TLK1: variants seen among roughly 807,000 people sequenced by gnomAD.
The protein encoded by TLK1 is serine/threonine-protein kinase tousled-like 1.
In TLK1, 24 loss-of-function variants were observed where a neutral mutation model predicts 105.3. The observed-to-expected ratio is 0.23, with a 90% CI of 0.17 to 0.32. The LOEUF (loss-of-function observed/expected upper bound fraction) is 0.32, where lower values mean the gene tolerates loss of function less well. TLK1 is among the 10% of genes least tolerant of loss of function. TLK1 has a pLI of 1.00. For missense variants in TLK1, 558 were observed against 910.5 expected, an observed-to-expected ratio of 0.61 and a Z score of 4.98; for synonymous variants, 321 against 310.4, an observed-to-expected ratio of 1.03 and a Z score of -0.36.
chr2:170,993,958 T>C lies in TLK1; in HGVS notation c.2125-2A>G. ...TGCCAAACAGCGTCTTATAAATGCC[T>C]CAAAAAGAGAAAGGAAATGTTAGCA... is the stretch of plus-strand genomic sequence containing the variant. On this transcript the variant is annotated splice_acceptor_variant, in intron 20 of 20. Coordinates refer to ENST00000431350, the MANE Select transcript of TLK1 (RefSeq NM_012290.5). LOFTEE classifies it high-confidence loss of function. 6.3e-7 allele frequency: 1 copy of C among 1,586,794 alleles called. No individual in the cohort carries two copies. Among genetic ancestry groups the C allele is most frequent in the Non-Finnish European group, 8.6e-7 (1 of 1,168,830 alleles).
At chr2:171,209,716 T>C (rs1208307929) in intron 1 of TLK1, among the ~76,000 whole-genome samples, 25 of 152,112 alleles carry the variant, frequency 1.6e-4, no homozygotes, top group Admixed American at 1.6e-3. Context: ...GGAGTCCTTA[T>C]AAGAAGAGGA....
At chr2:171,164,916 T>G (rs1471347484), upstream of TLK1, among the ~76,000 whole-genome samples, 4 of 151,652 alleles carry the variant, frequency 2.6e-5, no homozygotes, top group African/African-American at 4.8e-5. Context: ...AGCCTAGGAG[T>G]TCTAGACTAG....
chr2:171,047,262 A>T (rs1232229445), intron 10 of TLK1, among the ~76,000 whole-genome samples: 4 of 152,170 alleles, frequency 2.6e-5, no homozygotes, highest in African/African-American at 9.7e-5. Context: ...AGCTTTTTAA[A>T]ACCAACTTAT....
chr2:171,046,105 C>T (rs1686950769), intron 11 of TLK1, 69 bp downstream of exon 11: 2 of 1,266,726 alleles, frequency 1.6e-6, no homozygotes, highest in African/African-American at 1.5e-5. Flanking sequence ...TTATAAATAA[C>T]ATCCATTAGT....
chr2:171,061,859 T>C (rs538518011), intron 3 of TLK1, among the ~76,000 whole-genome samples: 72 of 152,264 alleles, frequency 4.7e-4, no homozygotes, highest in African/African-American at 1.7e-3. Flanking sequence ...AGTTTCAGTA[T>C]TCCTAATAAA....
chr2:171,068,144 T>G (rs2105456793), intron 3 of TLK1, among the ~76,000 whole-genome samples: 1 of 152,146 alleles, frequency 6.6e-6, no homozygotes, highest in Non-Finnish European at 1.5e-5. Context: ...CTGGCCAACA[T>G]GGCGAAACCC....
intron 1 of TLK1, among the ~76,000 whole-genome samples, chr2:171,138,898 TA>T (rs760638107): frequency 5.3e-5 from 8 of 152,234 alleles, no homozygotes; most frequent in Admixed American, 3.9e-4. Flanking sequence ...AAGACATTCA[TA>T]TTTTTTTACT....
chr2:171,166,820 C>G (rs1317732015), intron 1 of TLK1, among the ~76,000 whole-genome samples: 1 of 152,164 alleles, frequency 6.6e-6, no homozygotes, highest in African/African-American at 2.4e-5. Context: ...CTGGAAATTA[C>G]CCAAATGTCC....
Position 171,006,239 on chromosome 2 carries a change from T to A in TLK1, c.1812A>T (p.Lys604Asn). 1 of 1,610,416 alleles carries A rather than the reference T, an allele frequency of 6.2e-7. No individual in the cohort carries two copies. The change falls in exon 18 of 21, where the codon AAA becomes AAT. Residue 604 changes from lysine to asparagine, a missense_variant. Physicochemically the swap from Lys to Asn is moderately conservative, Grantham distance 94. Transcript: ENST00000431350. ...LVDGTACGEI[K>N]ITDFGLSKIM... is the part of the protein sequence containing the mutation. ...TCTTGGACAGACCAAAATCAGTGAT[T>A]TTGATTTCACCACATGCTGTTCCAT...
intron 11 of TLK1, among the ~76,000 whole-genome samples, chr2:171,034,271 A>C (rs1686207052): frequency 6.6e-6 from 1 of 152,206 alleles, no homozygotes; most frequent in Admixed American, 6.5e-5. Context: ...AAAACAAAAC[A>C]AGCTCACACA....
At chr2:171,100,157 T>C (rs767050156) in intron 2 of TLK1, among the ~76,000 whole-genome samples, 5 of 152,182 alleles carry the variant, frequency 3.3e-5, no homozygotes, top group Non-Finnish European at 5.9e-5. Flanking sequence ...GAAAAGATGC[T>C]CATCAGTCAT....
intron 1 of TLK1, among the ~76,000 whole-genome samples, chr2:171,130,734 C>T (rs980768688): frequency 2.1e-4 from 32 of 152,232 alleles, no homozygotes; most frequent in African/African-American, 7.7e-4. Context: ...TCCAATAAAA[C>T]AGGCTAGCCT....
Position 171,156,836 on chromosome 2 carries a change from C to T in TLK1, c.139+3454G>A, listed in dbSNP as rs185050459. On this transcript the variant is annotated intron_variant, in intron 1 of 20. Coordinates refer to ENST00000431350, the MANE Select transcript of TLK1 (RefSeq NM_012290.5). ...TTTACAGTTTAATCGAACTATCATG[C>T]CATCTTTTTTTTGAGAAAGTATCTC... is the stretch of plus-strand genomic sequence containing the variant. Among the ~76,000 whole-genome samples the T allele has an allele frequency of 2.0e-5, 3 of 152,210 alleles. No individual in the cohort carries two copies. In the East Asian group the frequency reaches 5.8e-4, roughly 29 times the overall value.
intron 1 of TLK1, among the ~76,000 whole-genome samples, chr2:171,193,699 C>CTTT (rs1558986605): frequency 1.2e-4 from 12 of 103,244 alleles, no homozygotes; most frequent in Middle Eastern, 7.4e-3. Context: ...CAGCGCCTGG[C>CTTT]ATTTTTTTTT....
intron 1 of TLK1, among the ~76,000 whole-genome samples, chr2:171,118,873 AC>A (rs1465954187): frequency 6.6e-6 from 1 of 152,080 alleles, no homozygotes; most frequent in Non-Finnish European, 1.5e-5. Context: ...TCCCTTTCTT[AC>A]TTTTTATCCT....
At chr2:171,156,746 C>A (rs1692250258) in intron 1 of TLK1, among the ~76,000 whole-genome samples, 2 of 152,214 alleles carry the variant, frequency 1.3e-5, no homozygotes, top group Admixed American at 1.3e-4. Flanking sequence ...ATTACTAAAT[C>A]ATCTGAAGTC....
intron 7 of TLK1, chr2:171,054,369 C>A (rs1687395687): frequency 6.6e-6 from 1 of 152,184 alleles, no homozygotes; most frequent in Admixed American, 6.6e-5. Context: ...TTCCCTTGAA[C>A]TTACTTTCCA....
chr2:171,149,099 C>CTTTTTT (rs11335300), intron 1 of TLK1, among the ~76,000 whole-genome samples: 124 of 57,772 alleles, frequency 2.1e-3, no homozygotes, highest in Non-Finnish European at 2.8e-3. Context: ...AATTACTTTT[C>CTTTTTT]TTTTTTTTTT....
At chr2:171,190,140 A>C (rs1214013851) in intron 1 of TLK1, among the ~76,000 whole-genome samples, 1 of 152,194 alleles carries the variant, frequency 6.6e-6, no homozygotes, top group Non-Finnish European at 1.5e-5. Context: ...CTCCACCCTC[A>C]CAACATAAAG....
Sources: gnomAD v4.1 joint callset for allele counts (sites outside exome capture counted in the v4.1 genomes callset) on GRCh38, gnomAD v4.1.1 for gene constraint, MANE v1.5 for transcripts, NCBI Gene and HGNC (gene_info 2026-07-23, HGNC 2026-07-21) for gene names.